The following FCHO1 variants were observed in gnomAD, a reference collection of about 807,000 sequenced individuals.
FCHO1 encodes the protein F-BAR domain only protein 1.
Under a neutral mutation model 114.4 loss-of-function variants are expected in FCHO1, and 45 were observed. The ratio of observed to expected loss-of-function variants is 0.39; its 90% CI spans 0.31 to 0.50. FCHO1 has a LOEUF of 0.50. Ranked by LOEUF, FCHO1 falls within the 20% of genes least tolerant of loss-of-function variation. FCHO1 has a pLI of 0.77. For missense variants in FCHO1, 1,042 were observed against 1,209.6 expected (o/e 0.86, Z 2.06); for synonymous variants, 480 against 488.9 (o/e 0.98, Z 0.24).
Position 17,784,259 on chromosome 19 carries a change from G to A in FCHO1, c.2226+24G>A. 1.3e-6 allele frequency: 2 copies of A among 1,577,250 alleles called. No individual in the cohort carries two copies. The highest frequency in any genetic ancestry group is 2.3e-5 in the South Asian group (2 of 87,568). On this transcript the variant is annotated intron_variant, in intron 25 of 28. Coordinates refer to ENST00000596536, the MANE Select transcript of FCHO1 (RefSeq NM_015122.3). The surrounding 1 kb of genome is among the most constrained non-coding windows in gnomAD (Gnocchi z 5.3). The stretch of plus-strand genomic sequence containing the variant: ...AGGTGCGCCACCCGCATGGGGCCGG[G>A]AGGAGGTGGTGGAGTGGGGGACACG...
chr19:17,774,145 G>C (rs1182331234), intron 11 of FCHO1, 94 bp from the exon 12 acceptor site: 1 of 1,171,110 alleles, frequency 8.5e-7, no homozygotes, highest in African/African-American at 1.5e-5. Flanking sequence ...CTGACCTCAG[G>C]TGATCCGCCC....
chr19:17,787,780 G>T lies in FCHO1; in HGVS notation c.2581G>T (p.Gly861Cys), dbSNP rs773727366. The change falls in exon 28 of 29, where the codon GGC becomes TGC. Residue 861 changes from glycine to cysteine, a missense_variant. Physicochemically the swap from Gly to Cys is radical, Grantham distance 159. This residue lies in a region of FCHO1 where 137 missense variants were observed against 190.0 expected (regional missense o/e 0.72). Coordinates refer to ENST00000596536, the MANE Select transcript of FCHO1 (RefSeq NM_015122.3). ...CACCAGCGAGGGGACCACTCTGTCGGGCGTGGACTTGGAACTGGTGGGCAG... is the reference window on the plus strand; with the variant it reads ...CACCAGCGAGGGGACCACTCTGTCGTGCGTGGACTTGGAACTGGTGGGCAG... ...QFTSEGTTLS[G>C]VDLELVGSGY... The T allele has an allele frequency of 1.1e-5, 18 of 1,612,326 alleles. No homozygotes were observed. The South Asian group carries it at 1.8e-4, about 16-fold the overall frequency.
chr19:17,753,575 G>A, intron 1 of FCHO1: 1 of 152,248 alleles, frequency 6.6e-6, no homozygotes, highest in East Asian at 1.9e-4. Flanking sequence ...CCCTGACATT[G>A]TTCTAGTCTG....
At chr19:17,767,826 T>G (rs991848969) in intron 7 of FCHO1, among the ~76,000 whole-genome samples, 9 of 152,190 alleles carry the variant, frequency 5.9e-5, no homozygotes, top group Non-Finnish European at 1.2e-4. Flanking sequence ...TATCTGTCCC[T>G]TTACAGAAAA....
intron 18 of FCHO1, among the ~76,000 whole-genome samples, chr19:17,777,896 G>A (rs1463967906): frequency 2.6e-5 from 4 of 151,812 alleles, no homozygotes; most frequent in South Asian, 4.2e-4. Flanking sequence ...AAAATTAGCC[G>A]GGCATGGTGG....
At chr19:17,779,893 GCAGAGGAGAGGACAGCCGGGGAGCC>G (rs2093189759) in intron 20 of FCHO1, among the ~76,000 whole-genome samples, 1 of 152,014 alleles carries the variant, frequency 6.6e-6, no homozygotes, top group South Asian at 2.1e-4. Context: ...CCCAGGGAGA[GCAGAGGAGAGGACAGCCGGGGAGCC>G]CAGAGGGGTT....
chr19:17,765,399 C>T (rs112285607), intron 6 of FCHO1, among the ~76,000 whole-genome samples: 3 of 151,926 alleles, frequency 2.0e-5, no homozygotes, highest in Admixed American at 6.6e-5. Context: ...TGCCCGGGCG[C>T]GGTGGCTCAA....
chr19:17,759,852 T>C (rs1249393545), intron 4 of FCHO1, among the ~76,000 whole-genome samples: 3 of 152,102 alleles, frequency 2.0e-5, no homozygotes, highest in African/African-American at 7.2e-5. Flanking sequence ...TTGGTCTTGC[T>C]TTTAGCCTTT....
chr19:17,784,699 C>A lies in FCHO1; in HGVS notation c.2227-26C>A. 6.2e-7 allele frequency: 1 copy of A among 1,608,932 alleles called. No homozygotes were observed. The highest frequency in any genetic ancestry group is 1.1e-5 in the South Asian group (1 of 90,984). ...AAGACAGGATGGCCCAAGCTGTGTC[C>A]TCTCTCTCATTCTCATTCTTCCTAG... On this transcript the variant is annotated intron_variant, in intron 25 of 28. Coordinates refer to ENST00000596536, the MANE Select transcript of FCHO1 (RefSeq NM_015122.3). The surrounding 1 kb of genome is among the most constrained non-coding windows in gnomAD (Gnocchi z 5.3).
rs1289020072 is a variant in FCHO1 at position 17,769,702 on chromosome 19, A to T, written c.337-723A>T. 2.0e-5 allele frequency among the ~76,000 whole-genome samples: 3 copies of T among 152,216 alleles called. 1 individual carries two copies. Among genetic ancestry groups the T allele is most frequent in the Admixed American group, 2.0e-4 (3 of 15,270 alleles). On this transcript the variant is annotated intron_variant, in intron 7 of 28. Transcript: ENST00000596536. ...AACTTGGGTTAGAACAAGCATCTTT[A>T]TCCATATGCGGATTATTTCTAGAGA...
intron 26 of FCHO1, among the ~76,000 whole-genome samples, chr19:17,785,224 A>G (rs542039363): frequency 1.3e-5 from 2 of 152,144 alleles, no homozygotes; most frequent in East Asian, 3.9e-4. Context: ...TTATTTATTT[A>G]ATTTATTTAC....
At chr19:17,781,624 G>T (rs928278609) in intron 22 of FCHO1, 85 bp downstream of exon 22, 1 of 1,557,606 alleles carries the variant, frequency 6.4e-7, no homozygotes, top group African/African-American at 1.4e-5. Flanking sequence ...GTTGGCAGAG[G>T]TGTGGTTGGG....
intron 9 of FCHO1, among the ~76,000 whole-genome samples, chr19:17,771,496 CT>C (rs2091524585): frequency 6.7e-6 from 1 of 150,096 alleles, no homozygotes; most frequent in Non-Finnish European, 1.5e-5. Flanking sequence ...GTGAAACCCC[CT>C]CTCTACTAAA....
chr19:17,786,312 G>T (rs1034306323), intron 26 of FCHO1, among the ~76,000 whole-genome samples: 3 of 151,902 alleles, frequency 2.0e-5, no homozygotes, highest in Non-Finnish European at 2.9e-5. Context: ...CAGCCGGGGC[G>T]ACAGAGGGAG....
chr19:17,786,426 C>G (rs1234368341), intron 26 of FCHO1, 148 bp from the exon 27 acceptor site: 1 of 719,322 alleles, frequency 1.4e-6, no homozygotes, highest in East Asian at 2.7e-5. Context: ...TGTTCCATAT[C>G]TCACCCTCAT....
In FCHO1 at chr19:17,775,090, G is replaced by A. The variant is rs781057252; in HGVS notation, c.945+10G>A. The A allele has an allele frequency of 9.3e-6, 15 of 1,612,186 alleles. No homozygotes were observed. The highest frequency in any genetic ancestry group is 5.0e-5 in the Admixed American group (3 of 59,726). On this transcript the variant is annotated intron_variant, in intron 14 of 28. Coordinates refer to ENST00000596536, the MANE Select transcript of FCHO1 (RefSeq NM_015122.3). The surrounding 1 kb of genome is among the most constrained non-coding windows in gnomAD (Gnocchi z 5.1). ...GGAGCCCGATTCAGGGGTGAGTGAT[G>A]TGGGAGGGGTCAGGCTGGGCTACAA... is the stretch of plus-strand genomic sequence containing the variant.
At chr19:17,773,439 T>G (rs1173844614) in intron 11 of FCHO1, among the ~76,000 whole-genome samples, 2 of 152,206 alleles carry the variant, frequency 1.3e-5, no homozygotes, top group Non-Finnish European at 2.9e-5. Flanking sequence ...TCTTTCTCCC[T>G]CCTGTCGCTC....
At chr19:17,767,431 A>G (rs2081073) in intron 7 of FCHO1, among the ~76,000 whole-genome samples, 134,331 of 147,862 alleles carry the variant, frequency 0.91, 61,314 homozygotes, top group Middle Eastern at 0.98. Flanking sequence ...CCCAGGCATG[A>G]TGGCACATGC....
chr19:17,749,953 CGTGGAAG>C (rs1568305991), upstream of FCHO1, among the ~76,000 whole-genome samples: 1 of 152,162 alleles, frequency 6.6e-6, no homozygotes, highest in East Asian at 1.9e-4. Flanking sequence ...GAAGCCAGAT[CGTGGAAG>C]GTCAGGAGTG....
Sources: allele counts gnomAD v4.1 joint callset (sites outside exome capture counted in the v4.1 genomes callset), GRCh38; gene constraint gnomAD v4.1.1; regional missense constraint gnomAD v4.1.1; non-coding constraint Gnocchi (gnomAD v3.1); transcripts MANE v1.5; gene names NCBI Gene and HGNC (gene_info 2026-07-23, HGNC 2026-07-21).